WSCD2: variants seen among roughly 807,000 people sequenced by gnomAD.
WSCD2 encodes WSC domain sialate O sulfotransferase 2.
A neutral mutation model predicts 55.7 loss-of-function variants in WSCD2; 28 were observed. The ratio of observed to expected loss-of-function variants is 0.50; its 90% CI spans 0.37 to 0.69. The LOEUF (loss-of-function observed/expected upper bound fraction) is 0.69. Among genes scored for constraint, WSCD2 ranks in the 30% least tolerant of loss-of-function variants. WSCD2 has a pLI of 0.00. For missense variants in WSCD2, 616 were observed against 762.1 expected, an observed-to-expected ratio of 0.81 and a Z score of 2.26; for synonymous variants, 301 against 301.9, an observed-to-expected ratio of 1.00 and a Z score of 0.03.
chr12:108,240,028 AAGC>A (rs1889598665), intron 7 of WSCD2, among the ~76,000 whole-genome samples: 1 of 152,192 alleles, frequency 6.6e-6, no homozygotes, highest in Non-Finnish European at 1.5e-5. Context: ...GCTAGCACCC[AAGC>A]ATTAATACTG....
chr12:108,171,637 A>G (rs1880263663), intron 1 of WSCD2: 1 of 152,256 alleles, frequency 6.6e-6, no homozygotes, highest in Admixed American at 6.5e-5. Flanking sequence ...ATTTTAAGTT[A>G]TATATGTGGC....
At chr12:108,165,945 A>G (rs893641604) in intron 1 of WSCD2, among the ~76,000 whole-genome samples, 1 of 152,208 alleles carries the variant, frequency 6.6e-6, no homozygotes, top group Non-Finnish European at 1.5e-5. Context: ...ATTAGCAAGC[A>G]TTTGAGAGGT....
intron 5 of WSCD2, among the ~76,000 whole-genome samples, chr12:108,225,538 G>C (rs1178576041): frequency 3.3e-5 from 5 of 152,220 alleles, no homozygotes; most frequent in African/African-American, 1.2e-4. Context: ...GGTAAAGACA[G>C]TCCCACCTTG....
intron 1 of WSCD2, among the ~76,000 whole-genome samples, chr12:108,158,347 T>C (rs888873816): frequency 4.2e-4 from 64 of 152,192 alleles, no homozygotes; most frequent in African/African-American, 1.5e-3. Context: ...AGGCCACCCT[T>C]TAACTTGGCT....
chr12:108,149,418 C>T (rs1877730845), intron 1 of WSCD2, among the ~76,000 whole-genome samples: 1 of 152,168 alleles, frequency 6.6e-6, no homozygotes. Flanking sequence ...TACATTTTAC[C>T]ACTCTCCCTT....
chr12:108,154,095 G>T (rs1231804646), intron 1 of WSCD2, among the ~76,000 whole-genome samples: 2 of 152,072 alleles, frequency 1.3e-5, no homozygotes, highest in Non-Finnish European at 2.9e-5. Context: ...GAAGGTCAGG[G>T]CCCCCTGAGT....
intron 1 of WSCD2, among the ~76,000 whole-genome samples, chr12:108,172,702 T>C (rs888830361): frequency 3.3e-5 from 5 of 152,132 alleles, no homozygotes; most frequent in Non-Finnish European, 7.4e-5. Flanking sequence ...CAGAACAGAT[T>C]TTTCCTCAGA....
intron 7 of WSCD2, among the ~76,000 whole-genome samples, chr12:108,234,198 G>T (rs1889063458): frequency 6.6e-6 from 1 of 152,232 alleles, no homozygotes. Flanking sequence ...TTACGAATTT[G>T]TGTTGGGCCG....
chr12:108,224,359 A>C (rs1283778707), intron 4 of WSCD2, among the ~76,000 whole-genome samples: 3 of 152,164 alleles, frequency 2.0e-5, no homozygotes, highest in Non-Finnish European at 4.4e-5. Context: ...AGCCCTGATG[A>C]GATCACAAAA....
intron 1 of WSCD2, among the ~76,000 whole-genome samples, chr12:108,192,848 C>T (rs898504570): frequency 2.0e-4 from 30 of 152,256 alleles, no homozygotes; most frequent in African/African-American, 7.2e-4. Flanking sequence ...CTTCCCTGGG[C>T]TCCCACATTC....
chr12:108,221,146 CT>C (rs937160759), intron 4 of WSCD2, among the ~76,000 whole-genome samples: 8 of 152,278 alleles, frequency 5.3e-5, no homozygotes, highest in Admixed American at 4.6e-4. Flanking sequence ...AAGCCAGCAT[CT>C]GGTTGCCCGG....
chr12:108,196,655 A>G (rs1883965129), intron 2 of WSCD2, among the ~76,000 whole-genome samples: 1 of 152,210 alleles, frequency 6.6e-6, no homozygotes, highest in Admixed American at 6.5e-5. Flanking sequence ...AAAGATGAGG[A>G]AAGTGGGGTA....
chr12:108,175,469 C>T (rs1236053924), intron 1 of WSCD2, among the ~76,000 whole-genome samples: 1 of 152,228 alleles, frequency 6.6e-6, no homozygotes, highest in East Asian at 1.9e-4. Flanking sequence ...TTAATAGGAT[C>T]CAGGCCGCTG....
At position 108,227,027 on chromosome 12, in the gene WSCD2, A is replaced by G. The variant is rs1264728314; in HGVS notation, c.842A>G (p.His281Arg). 1.2e-6 allele frequency: 2 copies of G among 1,614,182 alleles called. No individual in the cohort carries two copies. The highest frequency in any genetic ancestry group is 1.7e-6 in the Non-Finnish European group (2 of 1,180,014). The change falls in exon 6 of 9, where the codon CAC becomes CGC. Residue 281 changes from histidine (H) to arginine (R), a missense_variant. Around this residue, in one of 3 missense-constraint regions of WSCD2, gnomAD observed 374 missense variants for 467.4 expected, o/e 0.80. Transcript: ENST00000547525. The stretch of plus-strand genomic sequence containing the variant: ...GCAGCTCTTGCAGGCACCGCCTGCC[A>G]CTGTGGGTTTCCCACCACCCGATTC... ...PLAALAGTACHCGFPTTRFPL... is the reference protein window; with the variant it reads ...PLAALAGTACRCGFPTTRFPL...
intron 8 of WSCD2, among the ~76,000 whole-genome samples, chr12:108,241,111 A>G (rs1035262328): frequency 5.9e-5 from 9 of 152,146 alleles, no homozygotes; most frequent in African/African-American, 1.9e-4. Flanking sequence ...ACAGGGCATC[A>G]TTTCAATGAA....
intron 4 of WSCD2, among the ~76,000 whole-genome samples, chr12:108,221,242 C>T (rs1887482241): frequency 6.6e-6 from 1 of 152,026 alleles, no homozygotes; most frequent in Admixed American, 6.6e-5. Context: ...GCCTCATTGC[C>T]ATAAATCTTT....
chr12:108,182,334 G>A (rs770934185), intron 1 of WSCD2, among the ~76,000 whole-genome samples: 23 of 152,202 alleles, frequency 1.5e-4, no homozygotes, highest in Non-Finnish European at 2.5e-4. Context: ...GGAAGGCAGC[G>A]AGGCATGACT....
At chr12:108,146,862 G>A (rs892903199) in intron 1 of WSCD2, among the ~76,000 whole-genome samples, 1 of 152,096 alleles carries the variant, frequency 6.6e-6, no homozygotes, top group Non-Finnish European at 1.5e-5. Flanking sequence ...TCAGGGTTAG[G>A]GTCTTCCAGA....
intron 8 of WSCD2, among the ~76,000 whole-genome samples, chr12:108,245,893 A>G (rs12313592): frequency 0.25 from 38,454 of 152,160 alleles, 6,524 homozygotes; most frequent in African/African-American, 0.47. Context: ...TATCTCCCAA[A>G]CAGCTGTGAT....
Sources: allele counts gnomAD v4.1 joint callset (sites outside exome capture counted in the v4.1 genomes callset), GRCh38; gene constraint gnomAD v4.1.1; regional missense constraint gnomAD v4.1.1; transcripts MANE v1.5; gene names NCBI Gene and HGNC (gene_info 2026-07-23, HGNC 2026-07-21).